PCDHGA1: variants seen among roughly 807,000 people sequenced by gnomAD.
PCDHGA1 encodes the protein protocadherin gamma-A1.
A neutral mutation model predicts 58.0 loss-of-function variants in PCDHGA1; 32 were observed. That is an observed-to-expected ratio of 0.55 (90% confidence interval 0.42 to 0.74). PCDHGA1 has a LOEUF of 0.74. PCDHGA1 is among the 30% of genes least tolerant of loss of function. The pLI is 0.00. For synonymous variants in PCDHGA1, 498 were observed against 501.1 expected (o/e 0.99, Z 0.08); for missense variants, 1,205 against 1,182.3 (o/e 1.02, Z -0.28).
chr5:141,364,561 G>A (rs1763407213), intron 1 of PCDHGA1: 1 of 1,614,078 alleles, frequency 6.2e-7, no homozygotes. Flanking sequence ...TTTTTGCCCT[G>A]AACCCGCGAA....
chr5:141,345,428 C>G, intron 1 of PCDHGA1: 1 of 1,614,082 alleles, frequency 6.2e-7, no homozygotes, highest in Non-Finnish European at 8.5e-7. Context: ...CAGAAAACAA[C>G]CCCAGAGGAG....
intron 1 of PCDHGA1, chr5:141,375,654 A>G (rs1771718244): frequency 6.2e-7 from 1 of 1,614,106 alleles, no homozygotes. Context: ...GACTATGAGC[A>G]GTTGAGAGAC....
At chr5:141,419,713 C>T in intron 1 of PCDHGA1, 1 of 1,613,264 alleles carries the variant, frequency 6.2e-7, no homozygotes, top group East Asian at 2.2e-5. Context: ...GGCTCTTCAG[C>T]CTGGGGCTGC....
At chr5:141,409,761 T>C (rs1373037367) in intron 1 of PCDHGA1, 1 of 1,612,966 alleles carries the variant, frequency 6.2e-7, no homozygotes, top group African/African-American at 1.3e-5. Flanking sequence ...CAGCGCGCCT[T>C]TGATCACGAG....
chr5:141,432,264 C>A lies in PCDHGA1; in HGVS notation c.2422-62543C>A. On this transcript the variant is annotated intron_variant, in intron 1 of 3. Transcript: ENST00000517417. The surrounding 1 kb of genome is among the most constrained non-coding windows in gnomAD (Gnocchi z 6.0). Reference sequence around the variant, plus strand: ...AACACCATCCAAGGGGCAAGCCTATCGTCCTACGTGTCCATCAACTCCGAC... The same window carrying A: ...AACACCATCCAAGGGGCAAGCCTATAGTCCTACGTGTCCATCAACTCCGAC... 5 of 1,614,252 alleles carry A rather than the reference C, an allele frequency of 3.1e-6. No homozygotes were observed. Among genetic ancestry groups the A allele is most frequent in the Non-Finnish European group, 4.2e-6 (5 of 1,180,044 alleles).
chr5:141,503,608 A>G (rs1451651299), intron 2 of PCDHGA1, among the ~76,000 whole-genome samples: 3 of 151,994 alleles, frequency 2.0e-5, no homozygotes, highest in South Asian at 2.1e-4. Flanking sequence ...CAAAAAAAAA[A>G]AAAAAAGAAA....
At chr5:141,419,928 T>G in intron 1 of PCDHGA1, 1 of 1,614,084 alleles carries the variant, frequency 6.2e-7, no homozygotes, top group South Asian at 1.1e-5. Flanking sequence ...GAGATGCAGT[T>G]TTACCTGGTG....
chr5:141,487,361 A>C lies in PCDHGA1; in HGVS notation c.2422-7446A>C. On this transcript the variant is annotated intron_variant, in intron 1 of 3. Transcript: ENST00000517417. This position sits in a 1 kb window ranked among gnomAD's most constrained non-coding sequence, Gnocchi z 5.0. ...TGGAGTCACATGCTTTCCTGCTGGC[A>C]CCTGTGCCTGTCTCACCAGATCTCG... The C allele has an allele frequency of 1.2e-6, 2 of 1,613,834 alleles. No individual in the cohort carries two copies. Among genetic ancestry groups the C allele is most frequent in the East Asian group, 2.2e-5 (1 of 44,860 alleles).
rs1759725917 is a variant in PCDHGA1 at position 141,355,135 on chromosome 5, C to T, written c.2421+22030C>T. 7 of 1,523,612 alleles carry T rather than the reference C, an allele frequency of 4.6e-6. No homozygotes were observed. In the Middle Eastern group the frequency reaches 9.9e-4, roughly 216 times the overall value. 94.4% of individuals were successfully genotyped at this position (1,523,612 alleles called of 1,614,324 possible). ...GCACTTTATTTTGGACCCAGAAGAT[C>T]CTGGGGCTCCTCAGGCCTCGACAGA... On this transcript the variant is annotated intron_variant, in intron 1 of 3. Transcript: ENST00000517417.
At chr5:141,409,088 GAGAAAAC>G in intron 1 of PCDHGA1, 1 of 1,614,044 alleles carries the variant, frequency 6.2e-7, no homozygotes, top group Non-Finnish European at 8.5e-7. Context: ...CTCATTGGAT[GAGAAAAC>G]AGGTATGATT....
At chr5:141,428,600 C>T (rs2097150405) in intron 1 of PCDHGA1, 1 of 223,920 alleles carries the variant, frequency 4.5e-6, no homozygotes, top group African/African-American at 2.3e-5. Flanking sequence ...GCAAGCTTCA[C>T]TGAAGAGAAT....
At chr5:141,356,126 A>G in intron 1 of PCDHGA1, 1 of 1,613,926 alleles carries the variant, frequency 6.2e-7, no homozygotes, top group Non-Finnish European at 8.5e-7. Flanking sequence ...GGTCTAGATT[A>G]TGAGGACTCT....
At position 141,338,999 on chromosome 5, in the gene PCDHGA1, T is replaced by C. The variant is rs191299749; in HGVS notation, c.2421+5894T>C. The C allele has an allele frequency of 5.2e-3, 7,996 of 1,551,596 alleles. 43 individuals carry two copies. The highest frequency in any genetic ancestry group is 9.6e-3 in the Admixed American group (467 of 48,710). On this transcript the variant is annotated intron_variant, in intron 1 of 3. Transcript: ENST00000517417. ...GGCGGCTCTGCAAAAGTTGCCACAC[T>C]GCAGAAAGCTGGTCCTGCTGTGCTT...
intron 3 of PCDHGA1, 99 bp from the exon 4 acceptor site, chr5:141,510,848 G>A: frequency 6.3e-7 from 1 of 1,596,080 alleles, no homozygotes. Flanking sequence ...TCAAGGCCCA[G>A]GGTGCTGTAT....
At position 141,331,710 on chromosome 5, in the gene PCDHGA1, TA is replaced by T. The variant is rs1337325923; in HGVS notation, c.1028del (p.Asn343MetfsTer5). On this transcript the variant is annotated frameshift_variant, in exon 1 of 4. Transcript: ENST00000517417. LOFTEE classifies it high-confidence loss of function. Reference sequence around the variant, plus strand: ...TGATCAAAGTTTTGGATGTAAATGATAATGCCCCAGAAGTGACCATCACCTC... The same window carrying T: ...TGATCAAAGTTTTGGATGTAAATGATATGCCCCAGAAGTGACCATCACCTC... ...VLIKVLDVNDNAPEVTITSVT... is the reference protein window; with the variant it reads ...VLIKVLDVNDXAPEVTITSVT... 1 of 1,613,962 alleles carries T rather than the reference TA, an allele frequency of 6.2e-7. No homozygotes were observed. The highest frequency in any genetic ancestry group is 8.5e-7 in the Non-Finnish European group (1 of 1,180,032).
In PCDHGA1 at chr5:141,400,210, A is replaced by C. The variant is rs201102949; in HGVS notation, c.2421+67105A>C. 1.2e-3 allele frequency: 1,976 copies of C among 1,613,732 alleles called. 4 individuals are homozygous for C. The highest frequency in any genetic ancestry group is 1.6e-3 in the Non-Finnish European group (1,832 of 1,179,862). ...TTACCTAGTGGTGGCCTTGGCCTTG[A>C]TCTCAGTGCTCTTCCTCCTGGCCGT... On this transcript the variant is annotated intron_variant, in intron 1 of 3. Coordinates refer to ENST00000517417, the MANE Select transcript of PCDHGA1 (RefSeq NM_018912.3).
At chr5:141,415,176 C>G (rs773987499) in intron 1 of PCDHGA1, 17 of 1,613,816 alleles carry the variant, frequency 1.1e-5, no homozygotes, top group Non-Finnish European at 5.1e-6. Flanking sequence ...TCACCGTGGC[C>G]GTGGCCGACA....
chr5:141,343,384 G>T, intron 1 of PCDHGA1: 1 of 981,926 alleles, frequency 1.0e-6, no homozygotes, highest in Non-Finnish European at 1.2e-6. Flanking sequence ...AAAGGTCAAA[G>T]AGGAGGTGGA....
At chr5:141,462,036 G>T (rs760555655) in intron 1 of PCDHGA1, among the ~76,000 whole-genome samples, 6 of 151,978 alleles carry the variant, frequency 3.9e-5, no homozygotes, top group Non-Finnish European at 8.8e-5. Flanking sequence ...TTGGTCAGGC[G>T]GGTCTTGAAC....
Sources: gnomAD v4.1 joint callset for allele counts (sites outside exome capture counted in the v4.1 genomes callset) on GRCh38, gnomAD v4.1.1 for gene constraint, Gnocchi (gnomAD v3.1) non-coding constraint, MANE v1.5 for transcripts, NCBI Gene and HGNC (gene_info 2026-07-23, HGNC 2026-07-21) for gene names.